MCM9: variants seen among roughly 807,000 people sequenced by gnomAD.
MCM9 encodes DNA helicase MCM9.
A neutral mutation model predicts 72.8 loss-of-function variants in MCM9; 55 were observed. That is an observed-to-expected ratio of 0.76 (90% CI 0.61 to 0.95). The LOEUF (loss-of-function observed/expected upper bound fraction) is 0.95, where lower values mean the gene tolerates loss of function less well. Among genes scored for constraint, MCM9 ranks in the 40% least tolerant of loss-of-function variants. MCM9 has a pLI of 0.00. For missense variants in MCM9, 1,279 were observed against 1,377.0 expected, an observed-to-expected ratio of 0.93 and a Z score of 1.13; for synonymous variants, 480 against 503.4, an observed-to-expected ratio of 0.95 and a Z score of 0.62.
chr6:118,926,739 C>T (rs918225854), intron 3 of MCM9, among the ~76,000 whole-genome samples: 2 of 152,186 alleles, frequency 1.3e-5, no homozygotes, highest in Non-Finnish European at 2.9e-5. Flanking sequence ...CAACTACAAA[C>T]ATTTGTATGC....
intron 13 of MCM9, among the ~76,000 whole-genome samples, chr6:118,819,665 C>T (rs1377994821): frequency 6.6e-6 from 1 of 152,074 alleles, no homozygotes; most frequent in East Asian, 1.9e-4. Context: ...CCCTCTTTTT[C>T]TATTGTTTGA....
chr6:118,885,744 G>A (rs1778557495), intron 8 of MCM9, among the ~76,000 whole-genome samples: 1 of 151,970 alleles, frequency 6.6e-6, no homozygotes, highest in African/African-American at 2.4e-5. Flanking sequence ...AAAATTTAAA[G>A]AATCAAACAC....
intron 8 of MCM9, among the ~76,000 whole-genome samples, chr6:118,869,082 C>T (rs1462904523): frequency 6.6e-6 from 1 of 152,070 alleles, no homozygotes; most frequent in Non-Finnish European, 1.5e-5. Flanking sequence ...TACTATGCAG[C>T]CATAAAAAAG....
At chr6:118,882,758 G>A (rs1166141144) in intron 8 of MCM9, among the ~76,000 whole-genome samples, 3 of 152,042 alleles carry the variant, frequency 2.0e-5, no homozygotes, top group African/African-American at 4.8e-5. Context: ...TAACATCAGC[G>A]ACTTCACACT....
At chr6:118,837,052 C>T (rs185443599) in intron 9 of MCM9, among the ~76,000 whole-genome samples, 1 of 152,130 alleles carries the variant, frequency 6.6e-6, no homozygotes, top group Non-Finnish European at 1.5e-5. Context: ...AGCTGTGTCC[C>T]AGAGATTCTG....
At chr6:118,916,612 C>T (rs1780986586) in intron 6 of MCM9, among the ~76,000 whole-genome samples, 1 of 151,194 alleles carries the variant, frequency 6.6e-6, no homozygotes. Flanking sequence ...GTGCACGCCA[C>T]CACACCTGGC....
rs1009557038 is a variant in MCM9 at position 118,814,110 on chromosome 6, C to T, written c.*714G>A. 7 of 151,824 alleles carry T rather than the reference C, an allele frequency of 4.6e-5. No homozygotes were observed. The highest frequency in any genetic ancestry group is 1.7e-4 in the African/African-American group (7 of 41,302). 9.4% of individuals were successfully genotyped at this position (151,824 alleles called of 1,614,324 possible). On this transcript the variant is annotated 3_prime_UTR_variant, in exon 14 of 14. Coordinates refer to ENST00000619706, the MANE Select transcript of MCM9 (RefSeq NM_017696.3). The stretch of plus-strand genomic sequence containing the variant: ...GTATTTTACTTGGTTGAAGGTAGGC[C>T]CCCAAGAGAAAAAAGAATCTGAAGT...
chr6:118,917,504 T>C, intron 6 of MCM9, 57 bp downstream of exon 6: 1 of 1,512,856 alleles, frequency 6.6e-7, no homozygotes, highest in South Asian at 1.1e-5. Context: ...GACATCATAT[T>C]TAACCACTGA....
chr6:118,820,437 T>C (rs1297696919), intron 13 of MCM9, among the ~76,000 whole-genome samples: 2 of 152,226 alleles, frequency 1.3e-5, no homozygotes, highest in African/African-American at 4.8e-5. Flanking sequence ...CAGTTTTGAG[T>C]GAGTTTCTTA....
intron 8 of MCM9, among the ~76,000 whole-genome samples, chr6:118,867,279 T>C (rs1387836268): frequency 1.3e-5 from 2 of 152,168 alleles, no homozygotes; most frequent in Non-Finnish European, 2.9e-5. Flanking sequence ...AGTGGTCCCA[T>C]AAAATTATAA....
chr6:118,814,938 G>C lies in MCM9; in HGVS notation c.3318C>G (p.Leu1106=). ...CAATCAGTTTCTCGGTGGACCCACG[G>C]AGCTGAAAAGATTTCCTTTTACTGA... The part of the protein sequence containing the change: ...MRVSKRKSFQ[L]RGSTEKLIVS... Residue 1106 remains leucine (L), a synonymous_variant, in exon 14 of 14, where the codon CTC becomes CTG. Coordinates refer to ENST00000619706, the MANE Select transcript of MCM9 (RefSeq NM_017696.3). 6.5e-7 allele frequency: 1 copy of C among 1,547,188 alleles called. No homozygotes were observed. Among genetic ancestry groups the C allele is most frequent in the East Asian group, 2.5e-5 (1 of 40,748 alleles).
chr6:118,873,883 T>C (rs36166306), intron 8 of MCM9, among the ~76,000 whole-genome samples: 111,048 of 152,128 alleles, frequency 0.73, 41,557 homozygotes, highest in South Asian at 0.83. Flanking sequence ...AAAATATTAG[T>C]AAATCTAGTC....
At chr6:118,823,710 C>T (rs766537560) in intron 13 of MCM9, among the ~76,000 whole-genome samples, 13 of 152,082 alleles carry the variant, frequency 8.5e-5, no homozygotes, top group Admixed American at 1.3e-4. Context: ...CCCTCTTCTA[C>T]GTGCTTACTT....
At chr6:118,857,675 G>A (rs1182828850) in intron 8 of MCM9, among the ~76,000 whole-genome samples, 1 of 141,064 alleles carries the variant, frequency 7.1e-6, no homozygotes, top group Non-Finnish European at 1.5e-5. Flanking sequence ...ACAAATATCA[G>A]GAATGAAAGA....
At chr6:118,929,452 G>A (rs9481871) in intron 3 of MCM9, among the ~76,000 whole-genome samples, 8,790 of 152,146 alleles carry the variant, frequency 0.058, 366 homozygotes, top group East Asian at 0.19. Context: ...GCCTACTGAT[G>A]TTTTGTTCAG....
intron 8 of MCM9, among the ~76,000 whole-genome samples, chr6:118,895,303 C>G (rs1046209850): frequency 1.3e-5 from 2 of 152,102 alleles, no homozygotes; most frequent in East Asian, 3.9e-4. Context: ...GCAGGCTCCC[C>G]AACCAACGTG....
intron 9 of MCM9, among the ~76,000 whole-genome samples, chr6:118,837,609 T>C (rs570023427): frequency 6.6e-6 from 1 of 152,344 alleles, no homozygotes; most frequent in South Asian, 2.1e-4. Flanking sequence ...ATTGATCCCT[T>C]TACCATTATG....
chr6:118,903,784 G>A (rs752522231), intron 8 of MCM9, among the ~76,000 whole-genome samples: 6 of 152,112 alleles, frequency 3.9e-5, no homozygotes, highest in Non-Finnish European at 7.4e-5. Context: ...ATGGGGTTTC[G>A]CCATGTGGCC....
At position 118,921,987 on chromosome 6, in the gene MCM9, A is replaced by C. The variant is rs766753227; in HGVS notation, c.703+18T>G. 2.2e-5 allele frequency: 35 copies of C among 1,599,196 alleles called. No homozygotes were observed. The Admixed American group carries it at 5.5e-4, about 25-fold the overall frequency. On this transcript the variant is annotated intron_variant, in intron 5 of 13. Coordinates refer to ENST00000619706, the MANE Select transcript of MCM9 (RefSeq NM_017696.3). The stretch of plus-strand genomic sequence containing the variant: ...AGGACTACCTACACAAGCTAAAAAA[A>C]AATTCCCCTCTTCTTACCAGATTTG...
Sources: gnomAD v4.1 joint callset for allele counts (sites outside exome capture counted in the v4.1 genomes callset) on GRCh38, gnomAD v4.1.1 for gene constraint, MANE v1.5 for transcripts, NCBI Gene and HGNC (gene_info 2026-07-23, HGNC 2026-07-21) for gene names.